Variants in PCDHGA5 observed in about 807,000 individuals in gnomAD.
PCDHGA5 encodes protocadherin gamma subfamily A, 5, also known as protocadherin gamma-A5.
A neutral mutation model predicts 56.7 loss-of-function variants in PCDHGA5; 36 were observed. That is an observed-to-expected ratio of 0.64 (90% confidence interval 0.49 to 0.84). PCDHGA5 has a LOEUF of 0.84. PCDHGA5 is among the 40% of genes least tolerant of loss of function. The pLI, the probability that PCDHGA5 is intolerant of heterozygous loss-of-function variation, is 0.00. For synonymous variants in PCDHGA5, 563 were observed against 520.2 expected (o/e 1.08, Z -1.12); for missense variants, 1,305 against 1,201.5 (o/e 1.09, Z -1.27).
intron 1 of PCDHGA5, chr5:141,375,832 G>A (rs1771947844): frequency 2.5e-6 from 4 of 1,614,028 alleles, no homozygotes; most frequent in Non-Finnish European, 3.4e-6. Context: ...GCTCCGCAGA[G>A]CCCGGCTACC....
chr5:141,389,894 G>A (rs754241365), intron 1 of PCDHGA5: 56 of 1,613,970 alleles, frequency 3.5e-5, no homozygotes, highest in Non-Finnish European at 4.7e-5. Flanking sequence ...AGGAGGTGCT[G>A]CCGGATATCA....
At chr5:141,382,839 T>TA in intron 1 of PCDHGA5, 1 of 1,450,270 alleles carries the variant, frequency 6.9e-7, no homozygotes, top group South Asian at 1.4e-5. Flanking sequence ...TCCACCCGGA[T>TA]ACACCCGCAT....
intron 1 of PCDHGA5, among the ~76,000 whole-genome samples, chr5:141,454,204 T>G (rs1161344350): frequency 3.3e-5 from 5 of 152,170 alleles, no homozygotes; most frequent in Non-Finnish European, 1.5e-5. Context: ...GTGAATTTAT[T>G]GACATGAATG....
At chr5:141,393,197 T>C (rs1470064881) in intron 1 of PCDHGA5, 1 of 1,613,448 alleles carries the variant, frequency 6.2e-7, no homozygotes, top group South Asian at 1.1e-5. Context: ...ATATTAACGA[T>C]AATAACCCAA....
intron 1 of PCDHGA5, among the ~76,000 whole-genome samples, chr5:141,484,122 T>C (rs1343894991): frequency 6.6e-6 from 1 of 152,180 alleles, no homozygotes; most frequent in African/African-American, 2.4e-5. Context: ...CAAGAATACC[T>C]TGGTGTCAGA....
chr5:141,423,141 G>T (rs2096714253), intron 1 of PCDHGA5: 6 of 1,613,580 alleles, frequency 3.7e-6, no homozygotes, highest in East Asian at 2.2e-5. Context: ...ACAGAGACGC[G>T]CTCAAGCAGA....
rs2099391466 is a variant in PCDHGA5, at chr5:141,476,424, C to T, written c.2422-18383C>T. ...GAGGAGCTGTGTGGGACACTGCCCT[C>T]TTGCACTGTAACTCTGGAGTTGGTA... is the stretch of plus-strand genomic sequence containing the variant. On this transcript the variant is annotated intron_variant, in intron 1 of 3. Coordinates refer to ENST00000518069, the MANE Select transcript of PCDHGA5 (RefSeq NM_018918.3). This position sits in a 1 kb window ranked among gnomAD's most constrained non-coding sequence, Gnocchi z 7.6. 1 of 1,613,978 alleles carries T rather than the reference C, an allele frequency of 6.2e-7. No individual in the cohort carries two copies. The highest frequency in any genetic ancestry group is 1.1e-5 in the South Asian group (1 of 91,076).
At chr5:141,399,816 G>T (rs1399321740) in intron 1 of PCDHGA5, 1 of 1,613,196 alleles carries the variant, frequency 6.2e-7, no homozygotes, top group Non-Finnish European at 8.5e-7. Flanking sequence ...ACCCCGCGCT[G>T]GGTCCCGACG....
chr5:141,507,846 T>G (rs892503210), intron 3 of PCDHGA5, among the ~76,000 whole-genome samples: 1 of 152,134 alleles, frequency 6.6e-6, no homozygotes, highest in African/African-American at 2.4e-5. Context: ...CAGGCCCTGC[T>G]CTCACTTTCA....
chr5:141,405,339 A>T (rs980651625), intron 1 of PCDHGA5: 12 of 1,614,060 alleles, frequency 7.4e-6, no homozygotes, highest in Non-Finnish European at 1.0e-5. Context: ...GTCTCTGTTG[A>T]TTCCAAGTTT....
intron 1 of PCDHGA5, among the ~76,000 whole-genome samples, chr5:141,434,029 A>C (rs970204484): frequency 2.6e-5 from 4 of 152,126 alleles, no homozygotes; most frequent in Admixed American, 2.6e-4. Context: ...TTCTGGAAGC[A>C]TGGTTTTCTA....
At chr5:141,376,411 C>T in intron 1 of PCDHGA5, 1 of 1,614,182 alleles carries the variant, frequency 6.2e-7, no homozygotes, top group Non-Finnish European at 8.5e-7. Flanking sequence ...CCAACTATGC[C>T]GACACGCTTA....
At chr5:141,427,818 G>A (rs1356936077) in intron 1 of PCDHGA5, 3 of 1,530,644 alleles carry the variant, frequency 2.0e-6, no homozygotes, top group Non-Finnish European at 2.7e-6. Context: ...GAGCGGGGTG[G>A]TGGTCGCGCA....
chr5:141,506,444 CAAAAAAAAAAAAA>C (rs1219684339), intron 3 of PCDHGA5, among the ~76,000 whole-genome samples: 1 of 95,030 alleles, frequency 1.1e-5, no homozygotes, highest in Non-Finnish European at 2.2e-5. Context: ...CGCTCTGTCT[CAAAAAAAAAAAAA>C]AAAAAAAAGA....
At chr5:141,390,370 A>G (rs1252386186) in intron 1 of PCDHGA5, 7 of 1,504,066 alleles carry the variant, frequency 4.7e-6, no homozygotes, top group African/African-American at 4.2e-5. Context: ...AGGAAAATAT[A>G]TAATTTTTAG....
At position 141,486,141 on chromosome 5, in the gene PCDHGA5, G is replaced by A. The variant is rs369317501; in HGVS notation, c.2422-8666G>A. 28 of 1,614,066 alleles carry A rather than the reference G, an allele frequency of 1.7e-5. No homozygotes were observed. The highest frequency in any genetic ancestry group is 2.3e-5 in the Non-Finnish European group (27 of 1,180,044). On this transcript the variant is annotated intron_variant, in intron 1 of 3. Transcript: ENST00000518069. This position sits in a 1 kb window ranked among gnomAD's most constrained non-coding sequence, Gnocchi z 5.0. ...TACTATGAATTTGATGTGCGGGCTC[G>A]CGATGGGGGTTCTCCAGCCATGGAG...
At chr5:141,375,147 C>A (rs768909291) in intron 1 of PCDHGA5, 1 of 1,613,946 alleles carries the variant, frequency 6.2e-7, no homozygotes, top group South Asian at 1.1e-5. Context: ...GGAAGCAGAA[C>A]AATTGCTGAA....
At chr5:141,393,248 C>T (rs1242966092) in intron 1 of PCDHGA5, 2 of 1,613,798 alleles carry the variant, frequency 1.2e-6, no homozygotes, top group Middle Eastern at 1.7e-4. Context: ...TTAACGAAAT[C>T]GCGGTTCCTG....
At chr5:141,506,084 C>T (rs1426222889) in intron 3 of PCDHGA5, among the ~76,000 whole-genome samples, 8 of 152,068 alleles carry the variant, frequency 5.3e-5, no homozygotes, top group African/African-American at 1.9e-4. Flanking sequence ...AATAGAGATT[C>T]GGCTAGTGGT....
Sources: allele counts gnomAD v4.1 joint callset (sites outside exome capture counted in the v4.1 genomes callset), GRCh38; gene constraint gnomAD v4.1.1; non-coding constraint Gnocchi (gnomAD v3.1); transcripts MANE v1.5; gene names NCBI Gene and HGNC (gene_info 2026-07-23, HGNC 2026-07-21).